HSPB1: variants seen among roughly 807,000 people sequenced by gnomAD.
HSPB1 encodes the protein heat shock protein beta-1.
In HSPB1, 19 loss-of-function variants were observed where a neutral mutation model predicts 17.0. That is an observed-to-expected ratio of 1.12 (90% CI 0.78 to 1.64). HSPB1 has a LOEUF of 1.64. Among genes scored for constraint, HSPB1 ranks in the 40% most tolerant of loss-of-function variants. HSPB1 has a pLI of 0.00. For missense variants in HSPB1, 348 were observed against 289.2 expected (o/e 1.20, Z -1.47); for synonymous variants, 165 against 129.8 (o/e 1.27, Z -1.84).
rs987457030 is a variant in HSPB1, at chr7:76,304,002, C to A, written c.447C>A (p.Asp149Glu). 1 of 1,613,806 alleles carries A rather than the reference C, an allele frequency of 6.2e-7. No individual in the cohort carries two copies. Among genetic ancestry groups the A allele is most frequent in the Non-Finnish European group, 8.5e-7 (1 of 1,180,002 alleles). ...TRKYTLPPGV[D>E]PTQVSSSLSP... is the part of the protein sequence containing the mutation. The stretch of plus-strand genomic sequence containing the variant: ...CGTCCAGGCTGCCCCCCGGTGTGGA[C>A]CCCACCCAAGTTTCCTCCTCCCTGT... Residue 149 changes from aspartate to glutamate, a missense_variant, in exon 3 of 3, where the codon GAC becomes GAA. By Grantham distance (45) the Asp-to-Glu change is conservative. Transcript: ENST00000248553.
intron 1 of HSPB1, chr7:76,303,304 G>T: frequency 1.8e-6 from 1 of 569,606 alleles, no homozygotes; most frequent in Non-Finnish European, 3.1e-6. Context: ...GAGACGGGAG[G>T]ATCGCTTGAG....
chr7:76,303,451 G>A, intron 1 of HSPB1: 1 of 477,818 alleles, frequency 2.1e-6, no homozygotes, highest in Non-Finnish European at 3.5e-6. Context: ...CTTTTCTACA[G>A]AGTCCCCTTC....
At position 76,302,946 on chromosome 7, in the gene HSPB1, C is replaced by A. The variant is rs746628105; in HGVS notation, c.234C>A (p.Ser78Arg). Residue 78 changes from serine (S) to arginine (R), a missense_variant, in exon 1 of 3, where the codon AGC becomes AGA. Ser to Arg is a moderately radical substitution (Grantham distance 110, BLOSUM62 -1). Transcript: ENST00000248553. ...CGCCCGCCTACAGCCGCGCGCTCAG[C>A]CGGCAACTCAGCAGCGGGGTCTCGG... ...VAAPAYSRAL[S>R]RQLSSGVSEI... The A allele has an allele frequency of 1.3e-6, 2 of 1,544,884 alleles. No homozygotes were observed. Among genetic ancestry groups the A allele is most frequent in the South Asian group, 1.2e-5 (1 of 85,230 alleles).
Position 76,302,806 on chromosome 7 carries a change from G to GC in HSPB1, c.96dup (p.Phe33LeufsTer128). 6.2e-7 allele frequency: 1 copy of GC among 1,608,368 alleles called. No homozygotes were observed. The highest frequency in any genetic ancestry group is 1.1e-5 in the South Asian group (1 of 90,828). ...CCCGCATAGCCGCCTCTTCGACCAGGCCTTCGGGCTGCCCCGGCTGCCGGA... is the reference window on the plus strand; with the variant it reads ...CCCGCATAGCCGCCTCTTCGACCAGGCCCTTCGGGCTGCCCCGGCTGCCGGA... On this transcript the variant is annotated frameshift_variant, in exon 1 of 3. Transcript: ENST00000248553. LOFTEE classifies it high-confidence loss of function.
chr7:76,303,882 G>GGTCGGGGTGGGTGGGTGGC lies in HSPB1; in HGVS notation c.428+20_428+38dup. 1 of 1,608,628 alleles carries GGTCGGGGTGGGTGGGTGGC rather than the reference G, an allele frequency of 6.2e-7. No homozygotes were observed. Among genetic ancestry groups the GGTCGGGGTGGGTGGGTGGC allele is most frequent in the Non-Finnish European group, 8.5e-7 (1 of 1,177,712 alleles). ...GAAATACACGTGAGTCCTGGCGCCAGGTCGGGGTGGGTGGGTGGCGTGGGG... is the reference window on the plus strand; with the variant it reads ...GAAATACACGTGAGTCCTGGCGCCAGGTCGGGGTGGGTGGGTGGCGTCGGGGTGGGTGGGTGGCGTGGGG... On this transcript the variant is annotated intron_variant, in intron 2 of 2. Transcript: ENST00000248553.
At position 76,302,817 on chromosome 7, in the gene HSPB1, G is replaced by T; in HGVS notation, c.105G>T (p.Leu35=). 1 of 1,606,846 alleles carries T rather than the reference G, an allele frequency of 6.2e-7. No homozygotes were observed. ...HSRLFDQAFG[L]PRLPEEWSQW... is the part of the protein sequence containing the mutation. ...GCCTCTTCGACCAGGCCTTCGGGCTGCCCCGGCTGCCGGAGGAGTGGTCGC... is the reference window on the plus strand; with the variant it reads ...GCCTCTTCGACCAGGCCTTCGGGCTTCCCCGGCTGCCGGAGGAGTGGTCGC... Residue 35 remains leucine (L), a synonymous_variant, in exon 1 of 3, where the codon CTG becomes CTT. Transcript: ENST00000248553.
rs1554614641 is a variant in HSPB1 at position 76,303,831 on chromosome 7, G to A, written c.394G>A (p.Gly132Ser). The A allele has an allele frequency of 6.2e-7, 1 of 1,610,822 alleles. No individual in the cohort carries two copies. The highest frequency in any genetic ancestry group is 8.5e-7 in the Non-Finnish European group (1 of 1,179,874). ...GCACGAGGAGCGGCAGGACGAGCAT[G>A]GCTACATCTCCCGGTGCTTCACGCG... ...GKHEERQDEH[G>S]YISRCFTRKY... The change falls in exon 2 of 3, where the codon GGC (glycine) becomes AGC (serine). Residue 132 changes from glycine to serine, a missense_variant. Coordinates refer to ENST00000248553, the MANE Select transcript of HSPB1 (RefSeq NM_001540.5).
Position 76,303,870 on chromosome 7 carries a change from G to C in HSPB1, c.428+5G>C, listed in dbSNP as rs1169656002. 5 of 1,604,106 alleles carry C rather than the reference G, an allele frequency of 3.1e-6. No homozygotes were observed. The highest frequency in any genetic ancestry group is 3.9e-4 in the Middle Eastern group (2 of 5,186). On this transcript the variant is annotated splice_donor_5th_base_variant and intron_variant, in intron 2 of 2. Transcript: ENST00000248553. ...GTGCTTCACGCGGAAATACACGTGA[G>C]TCCTGGCGCCAGGTCGGGGTGGGTG... is the stretch of plus-strand genomic sequence containing the variant.
intron 1 of HSPB1, chr7:76,303,549 A>G (rs1269477199): frequency 3.4e-6 from 2 of 581,268 alleles, no homozygotes; most frequent in South Asian, 2.1e-5. Flanking sequence ...GCGCGGCTCC[A>G]AGTGCGCCTG....
chr7:76,303,015 C>T lies in HSPB1; in HGVS notation c.303C>T (p.Val101=). 1.3e-6 allele frequency: 2 copies of T among 1,543,438 alleles called. No homozygotes were observed. Among genetic ancestry groups the T allele is most frequent in the Non-Finnish European group, 1.7e-6 (2 of 1,149,558 alleles). The change falls in exon 1 of 3, where the codon GTC becomes GTT. Residue 101 remains valine, a synonymous_variant. Coordinates refer to ENST00000248553, the MANE Select transcript of HSPB1 (RefSeq NM_001540.5). ...ACCGCTGGCGCGTGTCCCTGGATGT[C>T]AACCACTTCGCCCCGGACGAGCTGA... ...TADRWRVSLD[V]NHFAPDELTV... is the part of the protein sequence containing the mutation.
intron 1 of HSPB1, chr7:76,303,488 G>T (rs1449111817): frequency 1.3e-5 from 7 of 533,590 alleles, no homozygotes; most frequent in African/African-American, 5.7e-5. Flanking sequence ...CCCCAGATAA[G>T]CGGGGAGTTC....
At position 76,303,006 on chromosome 7, in the gene HSPB1, C is replaced by A; in HGVS notation, c.294C>A (p.Ser98=). The stretch of plus-strand genomic sequence containing the variant: ...ACACTGCGGACCGCTGGCGCGTGTC[C>A]CTGGATGTCAACCACTTCGCCCCGG... ...IRHTADRWRV[S]LDVNHFAPDE... Residue 98 remains serine, a synonymous_variant, in exon 1 of 3, where the codon TCC becomes TCA. Transcript: ENST00000248553. 1 of 1,543,824 alleles carries A rather than the reference C, an allele frequency of 6.5e-7. No homozygotes were observed. The highest frequency in any genetic ancestry group is 2.4e-5 in the East Asian group (1 of 41,826).
intron 1 of HSPB1, chr7:76,303,495 GT>G: frequency 1.8e-6 from 1 of 560,312 alleles, no homozygotes; most frequent in South Asian, 2.2e-5. Context: ...TAAGCGGGGA[GT>G]TCCCTGGCGC....
chr7:76,303,259 C>T, intron 1 of HSPB1, 183 bp downstream of exon 1: 3 of 691,796 alleles, frequency 4.3e-6, no homozygotes, highest in Non-Finnish European at 7.0e-6. Context: ...TCTAAGGGCG[C>T]TTTCTGCTCT....
rs1488494832 is a variant in HSPB1 at position 76,303,791 on chromosome 7, T to A, written c.365-11T>A. Reference sequence around the variant, plus strand: ...CTCCCCCGCAGTCTGATTTCCCTCTTCCCCCCAAAGGCAAGCACGAGGAGC... The same window carrying A: ...CTCCCCCGCAGTCTGATTTCCCTCTACCCCCCAAAGGCAAGCACGAGGAGC... On this transcript the variant is annotated splice_polypyrimidine_tract_variant and intron_variant, in intron 1 of 2. Transcript: ENST00000248553. The A allele has an allele frequency of 1.3e-6, 2 of 1,597,156 alleles. No homozygotes were observed. Among genetic ancestry groups the A allele is most frequent in the Admixed American group, 1.7e-5 (1 of 58,868 alleles).
At position 76,304,153 on chromosome 7, in the gene HSPB1, G is replaced by C. The variant is rs147500292; in HGVS notation, c.598G>C (p.Asp200His). ...QLGGPEAAKSDETAAK is the reference protein window; with the variant it reads ...QLGGPEAAKSHETAAK ...TGGGGGCCCAGAAGCTGCAAAATCC[G>C]ATGAGACTGCCGCCAAGTAAAGCCT... Residue 200 changes from aspartate (D) to histidine (H), a missense_variant, in exon 3 of 3, where the codon GAT (aspartate) becomes CAT (histidine). Coordinates refer to ENST00000248553, the MANE Select transcript of HSPB1 (RefSeq NM_001540.5). 2 of 1,611,398 alleles carry C rather than the reference G, an allele frequency of 1.2e-6. No individual in the cohort carries two copies. Among genetic ancestry groups the C allele is most frequent in the African/African-American group, 2.7e-5 (2 of 74,830 alleles).
rs747295724 is a variant in HSPB1 at position 76,302,830 on chromosome 7, G to C, written c.118G>C (p.Glu40Gln). 2.5e-6 allele frequency: 4 copies of C among 1,605,110 alleles called. No homozygotes were observed. Among genetic ancestry groups the C allele is most frequent in the Non-Finnish European group, 3.4e-6 (4 of 1,178,318 alleles). The change falls in exon 1 of 3, where the codon GAG (glutamate) becomes CAG (glutamine). Residue 40 changes from glutamate (E) to glutamine (Q), a missense_variant. By Grantham distance (29) the Glu-to-Gln change is conservative (BLOSUM62 2). Coordinates refer to ENST00000248553, the MANE Select transcript of HSPB1 (RefSeq NM_001540.5). ...DQAFGLPRLPEEWSQWLGGSS... is the reference protein window; with the variant it reads ...DQAFGLPRLPQEWSQWLGGSS... The stretch of plus-strand genomic sequence containing the variant: ...GGCCTTCGGGCTGCCCCGGCTGCCG[G>C]AGGAGTGGTCGCAGTGGTTAGGCGG...
rs529095936 is a variant in HSPB1, at chr7:76,304,056, C to T, written c.501C>T (p.Ala167=). 1.5e-4 allele frequency: 243 copies of T among 1,613,882 alleles called. 1 individual carries two copies. Among genetic ancestry groups the T allele is most frequent in the South Asian group, 1.2e-3 (108 of 91,056 alleles). ...LSPEGTLTVE[A]PMPKLATQSN... is the part of the protein sequence containing the mutation. ...CTGAGGGCACACTGACCGTGGAGGCCCCCATGCCCAAGCTAGCCACGCAGT... is the reference window on the plus strand; with the variant it reads ...CTGAGGGCACACTGACCGTGGAGGCTCCCATGCCCAAGCTAGCCACGCAGT... The change falls in exon 3 of 3, where the codon GCC becomes GCT. Residue 167 remains alanine, a synonymous_variant. Transcript: ENST00000248553.
In HSPB1 at chr7:76,303,129, G is replaced by A; in HGVS notation, c.364+53G>A. On this transcript the variant is annotated intron_variant, in intron 1 of 2. Transcript: ENST00000248553. ...AGGAGGAGGCTAGCAGGGCGGGCAG[G>A]GCCGGGGGCGTGCGGTTGAAACGGG... is the stretch of plus-strand genomic sequence containing the variant. The A allele has an allele frequency of 2.0e-6, 3 of 1,493,962 alleles. No individual in the cohort carries two copies. In the Admixed American group the frequency reaches 6.6e-5, roughly 33 times the overall value. The allele number at this position is 1,493,962 out of a possible 1,614,324, so 92.5% of individuals were successfully genotyped here. A position where few individuals can be genotyped will look rare whatever the true frequency, so the allele number is the denominator to read the frequency against.
Sources: allele counts gnomAD v4.1 joint callset, GRCh38; gene constraint gnomAD v4.1.1; transcripts MANE v1.5; gene names NCBI Gene and HGNC (gene_info 2026-07-23, HGNC 2026-07-21).